Variants in HECW1 observed in about 807,000 individuals in gnomAD.
HECW1 encodes E3 ubiquitin-protein ligase HECW1.
Under a neutral mutation model 182.3 loss-of-function variants are expected in HECW1, and 61 were observed. The observed-to-expected ratio is 0.33, with a 90% CI of 0.27 to 0.41. The LOEUF is 0.41. Ranked by LOEUF, HECW1 falls within the 10% of genes least tolerant of loss-of-function variation. HECW1 has a pLI of 1.00. For synonymous variants in HECW1, 859 were observed against 832.6 expected (o/e 1.03, Z -0.55); for missense variants, 1,739 against 2,108.9 (o/e 0.82, Z 3.44).
intron 6 of HECW1, among the ~76,000 whole-genome samples, chr7:43,394,068 G>A (rs138809008): frequency 1.9e-4 from 29 of 152,290 alleles, no homozygotes; most frequent in African/African-American, 6.7e-4. Flanking sequence ...GCCATTGATT[G>A]TTAATTGTCC....
At chr7:43,163,407 A>G (rs1214593197) in intron 2 of HECW1, among the ~76,000 whole-genome samples, 2 of 152,146 alleles carry the variant, frequency 1.3e-5, no homozygotes. Flanking sequence ...TTGTGTGCCA[A>G]ACACCACCCT....
At chr7:43,160,100 A>G (rs1405358308) in intron 2 of HECW1, among the ~76,000 whole-genome samples, 4 of 152,200 alleles carry the variant, frequency 2.6e-5, no homozygotes, top group Non-Finnish European at 5.9e-5. Flanking sequence ...GTGAGATTAA[A>G]CAGTTTTGCA....
chr7:43,288,215 G>A (rs1357377415), intron 3 of HECW1, among the ~76,000 whole-genome samples: 1 of 152,164 alleles, frequency 6.6e-6, no homozygotes, highest in African/African-American at 2.4e-5. Context: ...AGAAGAGGAG[G>A]GGAATTAGCT....
chr7:43,348,490 A>AT (rs371969375), intron 5 of HECW1, among the ~76,000 whole-genome samples: 2,068 of 148,038 alleles, frequency 0.014, 57 homozygotes, highest in African/African-American at 0.047. Context: ...ATCTTTTGTA[A>AT]TTTTTTTTTT....
At chr7:43,199,810 GCTATTTC>G (rs2152688895) in intron 2 of HECW1, among the ~76,000 whole-genome samples, 1 of 152,202 alleles carries the variant, frequency 6.6e-6, no homozygotes, top group South Asian at 2.1e-4. Context: ...ACGAATGAGT[GCTATTTC>G]CTGTTAAAAT....
At position 43,493,130 on chromosome 7, in the gene HECW1, T is replaced by C. The variant is rs773912769; in HGVS notation, c.3387T>C (p.Phe1129=). 8.1e-6 allele frequency: 13 copies of C among 1,613,886 alleles called. No individual in the cohort carries two copies. Among genetic ancestry groups the C allele is most frequent in the Non-Finnish European group, 8.5e-6 (10 of 1,179,902 alleles). Residue 1129 remains phenylalanine (F), a synonymous_variant, in exon 19 of 30, where the codon TTT becomes TTC. Coordinates refer to ENST00000395891, the MANE Select transcript of HECW1 (RefSeq NM_015052.5). ...CATTTCTTCGCCAGCCAAACATTTT[T>C]GAAATGCTGCAAGAGCGTCAGCCAA... ...IVAFLRQPNI[F]EMLQERQPSL... is the part of the protein sequence containing the mutation.
intron 1 of HECW1, 124 bp downstream of exon 1, chr7:43,113,061 T>G: frequency 5.8e-6 from 1 of 172,960 alleles, no homozygotes; most frequent in Non-Finnish European, 1.2e-5. Flanking sequence ...AGATCCACCC[T>G]CCTCCCCACC....
chr7:43,526,637 T>A (rs2080767051), intron 24 of HECW1, among the ~76,000 whole-genome samples: 1 of 152,226 alleles, frequency 6.6e-6, no homozygotes, highest in Non-Finnish European at 1.5e-5. Flanking sequence ...ATTCCTGTAT[T>A]CTCTGGTCTG....
At chr7:43,500,050 G>A (rs922353689) in intron 19 of HECW1, among the ~76,000 whole-genome samples, 1 of 151,350 alleles carries the variant, frequency 6.6e-6, no homozygotes. Context: ...CACTCACCCC[G>A]CAACTCACTC....
intron 6 of HECW1, among the ~76,000 whole-genome samples, chr7:43,382,067 C>T (rs1193534456): frequency 1.3e-5 from 2 of 152,074 alleles, no homozygotes; most frequent in East Asian, 3.9e-4. Flanking sequence ...AGATGGATCA[C>T]GAGGTCAGGA....
intron 2 of HECW1, among the ~76,000 whole-genome samples, chr7:43,144,806 A>G (rs1458088934): frequency 6.6e-6 from 1 of 152,002 alleles, no homozygotes; most frequent in East Asian, 1.9e-4. Context: ...ATTTTCTTTT[A>G]TTGTGGAATA....
chr7:43,205,402 G>A (rs950698599), intron 2 of HECW1, among the ~76,000 whole-genome samples: 1 of 152,174 alleles, frequency 6.6e-6, no homozygotes, highest in Non-Finnish European at 1.5e-5. Context: ...TTTTAAGGGG[G>A]CTGGAATTGT....
At chr7:43,500,982 T>A (rs2079328815) in intron 20 of HECW1, among the ~76,000 whole-genome samples, 200 bp downstream of exon 20, 1 of 152,224 alleles carries the variant, frequency 6.6e-6, no homozygotes, top group Non-Finnish European at 1.5e-5. Flanking sequence ...TAGCAAGAGC[T>A]GCGTAAAGTA....
chr7:43,402,411 C>G (rs1342921459), intron 7 of HECW1, among the ~76,000 whole-genome samples: 2 of 152,152 alleles, frequency 1.3e-5, no homozygotes, highest in Non-Finnish European at 2.9e-5. Flanking sequence ...GAGCCACACC[C>G]CTGTTGCATG....
intron 2 of HECW1, among the ~76,000 whole-genome samples, chr7:43,159,678 C>CTTTTTTTTT: frequency 8.1e-6 from 1 of 123,754 alleles, no homozygotes; most frequent in Non-Finnish European, 1.7e-5. Context: ...TTCCTTGTAT[C>CTTTTTTTTT]TTTTTTTTTT....
At chr7:43,540,156 C>G (rs1330921053) in intron 24 of HECW1, among the ~76,000 whole-genome samples, 1 of 152,172 alleles carries the variant, frequency 6.6e-6, no homozygotes, top group Non-Finnish European at 1.5e-5. Flanking sequence ...ATTTTAACAT[C>G]TTTATAGCAG....
chr7:43,445,849 C>A (rs1441871221), intron 11 of HECW1, among the ~76,000 whole-genome samples: 1 of 152,170 alleles, frequency 6.6e-6, no homozygotes, highest in Non-Finnish European at 1.5e-5. Flanking sequence ...TTTGTTTTAA[C>A]TAATCACCAG....
intron 8 of HECW1, among the ~76,000 whole-genome samples, chr7:43,425,111 G>T (rs1391470445): frequency 6.6e-6 from 1 of 152,106 alleles, no homozygotes; most frequent in Non-Finnish European, 1.5e-5. Context: ...TGGAACAGTG[G>T]AATGGCAAAG....
chr7:43,311,920 C>A lies in HECW1; in HGVS notation c.185C>A (p.Thr62Asn). 1 of 1,614,236 alleles carries A rather than the reference C, an allele frequency of 6.2e-7. No homozygotes were observed. The highest frequency in any genetic ancestry group is 8.5e-7 in the Non-Finnish European group (1 of 1,180,054). Reference sequence around the variant, plus strand: ...AGGGGCGGCCCCCACGATGGCGTCACCATTCCCCGCTCCACCAGCGACACT... The same window carrying A: ...AGGGGCGGCCCCCACGATGGCGTCAACATTCCCCGCTCCACCAGCGACACT... ...DLRGGPHDGV[T>N]IPRSTSDTDL... The change falls in exon 4 of 30, where the codon ACC becomes AAC. Residue 62 changes from threonine (T) to asparagine (N), a missense_variant. Coordinates refer to ENST00000395891, the MANE Select transcript of HECW1 (RefSeq NM_015052.5).
Sources: allele counts gnomAD v4.1 joint callset (sites outside exome capture counted in the v4.1 genomes callset), GRCh38; gene constraint gnomAD v4.1.1; transcripts MANE v1.5; gene names NCBI Gene and HGNC (gene_info 2026-07-23, HGNC 2026-07-21).